DUSP19: variants seen among roughly 807,000 people sequenced by gnomAD.
The protein encoded by DUSP19 is dual specificity phosphatase 19.
Under a neutral mutation model 16.6 loss-of-function variants are expected in DUSP19, and 14 were observed. The ratio of observed to expected loss-of-function variants is 0.84; its 90% CI spans 0.56 to 1.32. The LOEUF is 1.32. Among genes scored for constraint, DUSP19 ranks in the 40% most tolerant of loss-of-function variants. The pLI is 0.00. For synonymous variants in DUSP19, 81 were observed against 90.5 expected, an observed-to-expected ratio of 0.90 and a Z score of 0.59; for missense variants, 258 against 255.9, an observed-to-expected ratio of 1.01 and a Z score of -0.06.
chr2:183,085,844 T>TA (rs1699652449), intron 2 of DUSP19, among the ~76,000 whole-genome samples: 1 of 126,828 alleles, frequency 7.9e-6, no homozygotes. Context: ...ACAAGGTTGT[T>TA]AGGTTTTTTT....
At chr2:183,080,439 A>G (rs1407264229) in intron 1 of DUSP19, among the ~76,000 whole-genome samples, 1 of 152,210 alleles carries the variant, frequency 6.6e-6, no homozygotes, top group African/African-American at 2.4e-5. Flanking sequence ...CCCGTGAAAA[A>G]CTGTACCATA....
intron 3 of DUSP19, among the ~76,000 whole-genome samples, chr2:183,087,474 T>G (rs1040433939): frequency 2.0e-5 from 3 of 152,204 alleles, no homozygotes; most frequent in Non-Finnish European, 4.4e-5. Context: ...AATGAGATAG[T>G]TATTGTGAAA....
At chr2:183,084,081 A>T (rs1321107579) in intron 2 of DUSP19, among the ~76,000 whole-genome samples, 1 of 152,150 alleles carries the variant, frequency 6.6e-6, no homozygotes, top group Non-Finnish European at 1.5e-5. Context: ...GAAGCGTATG[A>T]CCTAAGGGGC....
In DUSP19 at chr2:183,083,569, T is replaced by G. The variant is rs1304699883; in HGVS notation, c.273+15T>G. On this transcript the variant is annotated intron_variant, in intron 2 of 3. Transcript: ENST00000354221. ...AAAAGAATAAGGTAAAAAAATGCTT[T>G]AAGTCTGGCACCATATACACAGAAT... is the stretch of plus-strand genomic sequence containing the variant. The G allele has an allele frequency of 6.2e-7, 1 of 1,606,302 alleles. No individual in the cohort carries two copies. Among genetic ancestry groups the G allele is most frequent in the African/African-American group, 1.3e-5 (1 of 74,666 alleles).
chr2:183,088,397 GTT>G (rs1229529381), intron 3 of DUSP19, among the ~76,000 whole-genome samples: 1 of 121,332 alleles, frequency 8.2e-6, no homozygotes. Context: ...TGTTTTTTGT[GTT>G]TTTTTTTTTT....
chr2:183,085,861 T>TG (rs1699654264), intron 2 of DUSP19, among the ~76,000 whole-genome samples: 1 of 119,182 alleles, frequency 8.4e-6, no homozygotes, highest in Admixed American at 8.6e-5. Context: ...TTTTTTTTTT[T>TG]TTTTTTTTTT....
chr2:183,087,000 A>G (rs1377318547), intron 2 of DUSP19, 40 bp from the exon 3 acceptor site: 3 of 1,582,766 alleles, frequency 1.9e-6, no homozygotes, highest in Admixed American at 3.6e-5. Flanking sequence ...AACCTAATTC[A>G]TGGGATTTAA....
At chr2:183,087,419 C>T (rs1699676531) in intron 3 of DUSP19, among the ~76,000 whole-genome samples, 1 of 152,106 alleles carries the variant, frequency 6.6e-6, no homozygotes, top group Non-Finnish European at 1.5e-5. Context: ...CTGCTCTAGA[C>T]TTGTTAGTGT....
chr2:183,091,428 G>A (rs1415498769), intron 3 of DUSP19, among the ~76,000 whole-genome samples: 1 of 152,098 alleles, frequency 6.6e-6, no homozygotes, highest in African/African-American at 2.4e-5. Flanking sequence ...TCCAAGCAGC[G>A]GCCCAAGGGA....
At chr2:183,085,285 C>G (rs1699644964) in intron 2 of DUSP19, among the ~76,000 whole-genome samples, 1 of 152,078 alleles carries the variant, frequency 6.6e-6, no homozygotes, top group South Asian at 2.1e-4. Flanking sequence ...TGAGGAATAT[C>G]ACCCTATATG....
At position 183,078,948 on chromosome 2, in the gene DUSP19, C is replaced by T; in HGVS notation, c.15C>T (p.Asn5=). MYSL[N]QEIKAFSRNN... is the part of the protein sequence containing the mutation. ...CTGCTCATGTAATGTACTCCCTTAACCAGGAAATTAAAGCATTCTCCCGGA... is the reference window on the plus strand; with the variant it reads ...CTGCTCATGTAATGTACTCCCTTAATCAGGAAATTAAAGCATTCTCCCGGA... The change falls in exon 1 of 4, where the codon AAC becomes AAT. Residue 5 remains asparagine, a synonymous_variant. Coordinates refer to ENST00000354221, the MANE Select transcript of DUSP19 (RefSeq NM_080876.4). 6.2e-7 allele frequency: 1 copy of T among 1,613,964 alleles called. No homozygotes were observed. Among genetic ancestry groups the T allele is most frequent in the Non-Finnish European group, 8.5e-7 (1 of 1,179,980 alleles).
intron 2 of DUSP19, among the ~76,000 whole-genome samples, chr2:183,084,013 CTG>C (rs1167243091): frequency 3.3e-5 from 5 of 152,006 alleles, no homozygotes; most frequent in South Asian, 2.1e-4. Context: ...TTTTTGAGTA[CTG>C]TTTCAGGTCA....
At chr2:183,088,580 A>T (rs1699694029) in intron 3 of DUSP19, among the ~76,000 whole-genome samples, 1 of 148,682 alleles carries the variant, frequency 6.7e-6, no homozygotes, top group South Asian at 2.2e-4. Context: ...ACACTGCCAC[A>T]CCCGGGTAAT....
chr2:183,092,512 T>C (rs1699745357), intron 3 of DUSP19, among the ~76,000 whole-genome samples: 1 of 152,092 alleles, frequency 6.6e-6, no homozygotes, highest in South Asian at 2.1e-4. Context: ...TGTTCCTGCG[T>C]CAGTTTCCTA....
At chr2:183,079,527 A>G (rs572394378) in intron 1 of DUSP19, among the ~76,000 whole-genome samples, 1 of 152,360 alleles carries the variant, frequency 6.6e-6, no homozygotes, top group East Asian at 1.9e-4. Context: ...AGGCAGAACT[A>G]CAAGTGACAA....
intron 2 of DUSP19, among the ~76,000 whole-genome samples, chr2:183,085,206 G>T (rs1699644198): frequency 6.6e-6 from 1 of 152,126 alleles, no homozygotes; most frequent in Admixed American, 6.6e-5. Flanking sequence ...AGATGAAGCT[G>T]CCTGGGGAAA....
chr2:183,096,652 T>C lies in DUSP19; in HGVS notation c.*994T>C, dbSNP rs1699807084. The stretch of plus-strand genomic sequence containing the variant: ...TTCTTTGAACAGGTGATCTATTCTC[T>C]TACATTTTGTGCTTTTTATCTTGGG... On this transcript the variant is annotated 3_prime_UTR_variant, in exon 4 of 4. Coordinates refer to ENST00000354221, the MANE Select transcript of DUSP19 (RefSeq NM_080876.4). 6.6e-6 allele frequency: 1 copy of C among 152,118 alleles called. No individual in the cohort carries two copies. The highest frequency in any genetic ancestry group is 2.4e-5 in the African/African-American group (1 of 41,422). 9.4% of individuals were successfully genotyped at this position (152,118 alleles called of 1,614,324 possible).
chr2:183,092,685 G>A (rs978969964), intron 3 of DUSP19, among the ~76,000 whole-genome samples: 3 of 149,416 alleles, frequency 2.0e-5, no homozygotes, highest in Non-Finnish European at 4.4e-5. Flanking sequence ...ATTATGAATA[G>A]TGCTTCTGCC....
At chr2:183,082,822 GTT>G (rs1699609955) in intron 1 of DUSP19, among the ~76,000 whole-genome samples, 1 of 146,702 alleles carries the variant, frequency 6.8e-6, no homozygotes, top group African/African-American at 2.5e-5. Context: ...TCGTTCGTTC[GTT>G]CGTTCCTTCC....
Sources: gnomAD v4.1 joint callset for allele counts (sites outside exome capture counted in the v4.1 genomes callset) on GRCh38, gnomAD v4.1.1 for gene constraint, MANE v1.5 for transcripts, NCBI Gene and HGNC (gene_info 2026-07-23, HGNC 2026-07-21) for gene names.